Variants in MYO16 observed in about 807,000 individuals in gnomAD.
The protein encoded by MYO16 is unconventional myosin-XVI.
Under a neutral mutation model 205.3 loss-of-function variants are expected in MYO16, and 94 were observed. That is an observed-to-expected ratio of 0.46 (90% CI 0.39 to 0.54). The LOEUF is 0.54. MYO16 is among the 20% of genes least tolerant of loss of function. The pLI, the probability that MYO16 is intolerant of heterozygous loss-of-function variation, is 0.00. For missense variants in MYO16, 2,315 were observed against 2,387.5 expected (o/e 0.97, Z 0.63); for synonymous variants, 988 against 954.0 (o/e 1.04, Z -0.66).
chr13:108,722,749 C>G (rs573619607), intron 3 of MYO16, among the ~76,000 whole-genome samples: 1 of 152,238 alleles, frequency 6.6e-6, no homozygotes, highest in South Asian at 2.1e-4. Context: ...GCCTCACATT[C>G]TAACATCAAA....
At chr13:108,540,431 G>A in the MYO16 span, among the ~76,000 whole-genome samples, 8 of 152,068 alleles carry the variant, frequency 5.3e-5, no homozygotes, top group Non-Finnish European at 1.2e-4. Context: ...TACTCACAGT[G>A]ACACTTTAAG....
At chr13:108,501,191 A>G in the MYO16 span, among the ~76,000 whole-genome samples, 11 of 152,238 alleles carry the variant, frequency 7.2e-5, no homozygotes, top group East Asian at 2.1e-3. Context: ...CACTGTGGTT[A>G]CTGCTTCTTA....
intron 15 of MYO16, among the ~76,000 whole-genome samples, chr13:108,907,046 A>G (rs900856840): frequency 3.3e-5 from 5 of 152,292 alleles, no homozygotes; most frequent in East Asian, 1.9e-4. Flanking sequence ...GCATGACAAT[A>G]CTTTCTGGAA....
intron 24 of MYO16, among the ~76,000 whole-genome samples, chr13:109,048,043 T>A (rs897177917): frequency 6.6e-5 from 10 of 152,028 alleles, no homozygotes; most frequent in African/African-American, 2.4e-4. Flanking sequence ...GTGCTATTAT[T>A]TGCACTTTTA....
At chr13:108,654,727 T>C (rs1881164257) in intron 1 of MYO16, among the ~76,000 whole-genome samples, 1 of 152,178 alleles carries the variant, frequency 6.6e-6, no homozygotes, top group African/African-American at 2.4e-5. Context: ...AAAATGCTGA[T>C]AGTGATATGA....
rs185263919 is a variant in MYO16 at position 109,085,212 on chromosome 13, T to A, written c.3336-15573T>A. On this transcript the variant is annotated intron_variant, in intron 27 of 34. Coordinates refer to ENST00000457511, the MANE Select transcript of MYO16 (RefSeq NM_001198950.3). ...AGGACTGGATGCAGGAGGTGAGGAGTCACTGCAGGATAGTAAGCAAGACCA... is the reference window on the plus strand; with the variant it reads ...AGGACTGGATGCAGGAGGTGAGGAGACACTGCAGGATAGTAAGCAAGACCA... Among the ~76,000 whole-genome samples the A allele has an allele frequency of 9.2e-5, 14 of 151,698 alleles. No homozygotes were observed. The South Asian group carries it at 1.3e-3, about 14-fold the overall frequency.
At chr13:108,566,508 T>C in the MYO16 span, among the ~76,000 whole-genome samples, 1 of 151,920 alleles carries the variant, frequency 6.6e-6, no homozygotes, top group Admixed American at 6.6e-5. Context: ...GGTGGGTGCC[T>C]ATAATCCCAG....
intron 13 of MYO16, 87 bp from the exon 14 acceptor site, chr13:108,888,284 TC>T (rs1282945396): frequency 1.2e-6 from 1 of 851,868 alleles, no homozygotes. Context: ...TTTTACTTGT[TC>T]CTTCAAAGTA....
chr13:108,563,147 A>AT, the MYO16 span, among the ~76,000 whole-genome samples: 2 of 152,132 alleles, frequency 1.3e-5, no homozygotes, highest in Non-Finnish European at 1.5e-5. Context: ...AAAAATCTTA[A>AT]TTTTTTAATG....
chr13:108,886,854 G>C (rs1879923771), intron 13 of MYO16, among the ~76,000 whole-genome samples: 2 of 152,078 alleles, frequency 1.3e-5, no homozygotes, highest in Non-Finnish European at 2.9e-5. Flanking sequence ...CTGATATACA[G>C]AATGGAAGAG....
chr13:109,002,538 A>G (rs1343555430), intron 21 of MYO16, among the ~76,000 whole-genome samples: 3 of 152,192 alleles, frequency 2.0e-5, no homozygotes, highest in African/African-American at 7.2e-5. Context: ...CTATCTAAGC[A>G]GCTACTTGAT....
In MYO16 at chr13:108,879,927, GA is replaced by G. The variant is rs1474238127; in HGVS notation, c.1426-3130del. 3.3e-5 allele frequency among the ~76,000 whole-genome samples: 5 copies of G among 152,192 alleles called. No individual in the cohort carries two copies. The East Asian group carries it at 9.6e-4, about 29-fold the overall frequency. ...GTATTTCTAGTTCTAGATCCTTGTGGAATGGCCACACTGTCTTCCACAATGG... is the reference window on the plus strand; with the variant it reads ...GTATTTCTAGTTCTAGATCCTTGTGGATGGCCACACTGTCTTCCACAATGG... On this transcript the variant is annotated intron_variant, in intron 12 of 34. Coordinates refer to ENST00000457511, the MANE Select transcript of MYO16 (RefSeq NM_001198950.3).
chr13:108,596,075 A>G (rs1205049021), upstream of MYO16: 3 of 148,160 alleles, frequency 2.0e-5, no homozygotes, highest in Non-Finnish European at 4.5e-5. Flanking sequence ...GATCTACAGG[A>G]ATCGGCCTCA....
At chr13:109,116,206 G>C (rs974345175) in intron 28 of MYO16, among the ~76,000 whole-genome samples, 2 of 152,166 alleles carry the variant, frequency 1.3e-5, no homozygotes, top group Non-Finnish European at 2.9e-5. Flanking sequence ...AAAGTGTTTA[G>C]CCATGTCTTG....
At chr13:108,650,380 G>C (rs1880945127) in intron 1 of MYO16, among the ~76,000 whole-genome samples, 1 of 152,322 alleles carries the variant, frequency 6.6e-6, no homozygotes, top group African/African-American at 2.4e-5. Context: ...CCTGAATGGA[G>C]CCAGCAAGGG....
chr13:108,900,296 T>C (rs1880645883), intron 15 of MYO16, among the ~76,000 whole-genome samples: 1 of 152,198 alleles, frequency 6.6e-6, no homozygotes, highest in Non-Finnish European at 1.5e-5. Flanking sequence ...TATGAACACT[T>C]GGTCCCTCAC....
At chr13:109,093,035 T>C (rs1434090152) in intron 27 of MYO16, among the ~76,000 whole-genome samples, 2 of 152,230 alleles carry the variant, frequency 1.3e-5, no homozygotes, top group African/African-American at 2.4e-5. Flanking sequence ...TTTTTTAGTG[T>C]TATAGTCACA....
intron 2 of MYO16, among the ~76,000 whole-genome samples, chr13:108,690,591 A>G (rs1246647466): frequency 2.0e-5 from 3 of 152,058 alleles, no homozygotes; most frequent in Non-Finnish European, 4.4e-5. Context: ...AATTGAATAA[A>G]TGCCATTTAT....
intron 1 of MYO16, among the ~76,000 whole-genome samples, chr13:108,646,667 T>C (rs988978579): frequency 6.6e-6 from 1 of 152,210 alleles, no homozygotes; most frequent in Non-Finnish European, 1.5e-5. Context: ...TCTAGTCCTC[T>C]CCTTTAGATA....
Sources: gnomAD v4.1 joint callset for allele counts (sites outside exome capture counted in the v4.1 genomes callset) on GRCh38, gnomAD v4.1.1 for gene constraint, MANE v1.5 for transcripts, NCBI Gene and HGNC (gene_info 2026-07-23, HGNC 2026-07-21) for gene names.